The following MSRA variants were observed in gnomAD, a reference collection of about 807,000 sequenced individuals.
The protein encoded by MSRA is methionine sulfoxide reductase A.
A neutral mutation model predicts 31.3 loss-of-function variants in MSRA; 54 were observed. The ratio of observed to expected loss-of-function variants is 1.73; its 90% confidence interval spans 1.39 to 2.17. MSRA has a LOEUF of 2.17. Ranked by LOEUF, MSRA falls within the 30% of genes most tolerant of loss-of-function variation. MSRA has a pLI of 0.00. For synonymous variants in MSRA, 169 were observed against 116.5 expected, an observed-to-expected ratio of 1.45 and a Z score of -2.90; for missense variants, 507 against 300.9, an observed-to-expected ratio of 1.69 and a Z score of -5.07.
intron 5 of MSRA, among the ~76,000 whole-genome samples, chr8:10,422,183 G>T (rs1444933932): frequency 6.6e-6 from 1 of 152,276 alleles, no homozygotes; most frequent in Admixed American, 6.5e-5. Context: ...TTTCTGGAGG[G>T]GCTGAGGTAC....
At chr8:10,167,281 C>T (rs562293493) in intron 1 of MSRA, among the ~76,000 whole-genome samples, 13 of 152,122 alleles carry the variant, frequency 8.5e-5, no homozygotes, top group East Asian at 3.9e-4. Flanking sequence ...CAAAGGCAGC[C>T]GATACTGCTC....
chr8:10,374,864 G>T (rs1207421324), intron 5 of MSRA, among the ~76,000 whole-genome samples: 1 of 152,192 alleles, frequency 6.6e-6, no homozygotes, highest in Non-Finnish European at 1.5e-5. Flanking sequence ...GAATGGCTTG[G>T]TGCTGTCCTC....
At chr8:10,101,841 A>C (rs755240366) in intron 1 of MSRA, among the ~76,000 whole-genome samples, 2 of 152,208 alleles carry the variant, frequency 1.3e-5, no homozygotes, top group African/African-American at 4.8e-5. Flanking sequence ...TAATGGTGCT[A>C]TGAACATGAG....
chr8:10,296,405 T>C (rs1800545657), intron 3 of MSRA, among the ~76,000 whole-genome samples: 3 of 152,176 alleles, frequency 2.0e-5, no homozygotes, highest in Admixed American at 1.3e-4. Flanking sequence ...GCTTCCCAAA[T>C]ACTTTCCCAC....
intron 1 of MSRA, among the ~76,000 whole-genome samples, chr8:10,062,228 T>TGCA (rs758672466): frequency 4.9e-4 from 74 of 152,262 alleles, no homozygotes; most frequent in East Asian, 2.7e-3. Flanking sequence ...CTCCTTCCCA[T>TGCA]GCAGCAGCAG....
intron 3 of MSRA, among the ~76,000 whole-genome samples, chr8:10,278,839 C>G (rs1799464379): frequency 6.6e-6 from 1 of 152,216 alleles, no homozygotes. Flanking sequence ...GGCATCTCTA[C>G]ATTCCCGTCA....
At chr8:10,159,040 G>A (rs1010334016) in intron 1 of MSRA, among the ~76,000 whole-genome samples, 10 of 152,222 alleles carry the variant, frequency 6.6e-5, no homozygotes, top group African/African-American at 9.6e-5. Context: ...CACTGTCACC[G>A]TATCAAAGAG....
At chr8:10,077,368 C>A (rs1798042833) in intron 1 of MSRA, among the ~76,000 whole-genome samples, 1 of 151,050 alleles carries the variant, frequency 6.6e-6, no homozygotes, top group Non-Finnish European at 1.5e-5. Flanking sequence ...GGGAGAGACT[C>A]AAAAATGTGT....
chr8:10,149,415 C>T (rs567488387), intron 1 of MSRA, among the ~76,000 whole-genome samples: 23 of 152,314 alleles, frequency 1.5e-4, no homozygotes, highest in East Asian at 7.7e-4. Context: ...TGAGCCACCG[C>T]GCCCGGCTGA....
intron 5 of MSRA, among the ~76,000 whole-genome samples, chr8:10,329,507 A>G (rs191849748): frequency 6.2e-4 from 95 of 152,316 alleles, no homozygotes; most frequent in Non-Finnish European, 1.1e-3. Context: ...ATACTCCCGC[A>G]TCTCAACCCC....
At chr8:10,200,139 C>T (rs1290426271) in intron 1 of MSRA, among the ~76,000 whole-genome samples, 16 of 152,152 alleles carry the variant, frequency 1.1e-4, no homozygotes, top group Admixed American at 5.9e-4. Context: ...CATTACCAGC[C>T]GGGAGGTGTA....
intron 1 of MSRA, among the ~76,000 whole-genome samples, chr8:10,098,023 G>C (rs957099018): frequency 6.6e-6 from 1 of 151,908 alleles, no homozygotes; most frequent in African/African-American, 2.4e-5. Context: ...ACGTCTTTGT[G>C]CAAGCTTTTT....
intron 1 of MSRA, among the ~76,000 whole-genome samples, chr8:10,189,288 G>T (rs966526608): frequency 1.3e-5 from 2 of 152,034 alleles, no homozygotes; most frequent in African/African-American, 2.4e-5. Flanking sequence ...CAATCATGTT[G>T]TCTGCGTATA....
rs59393980 is a variant in MSRA, at chr8:10,219,806, C to CAAAAAAAAAAAA, written c.211+11916_211+11927dup. Among the ~76,000 whole-genome samples the CAAAAAAAAAAAA allele has an allele frequency of 1.3e-3, 73 of 57,108 alleles. 4 individuals are homozygous for CAAAAAAAAAAAA. Among genetic ancestry groups the CAAAAAAAAAAAA allele is most frequent in the African/African-American group, 2.4e-3 (27 of 11,070 alleles). 37.5% of individuals were successfully genotyped at this position (57,108 alleles called of 152,430 possible). On this transcript the variant is annotated intron_variant, in intron 2 of 5. Coordinates refer to ENST00000317173, the MANE Select transcript of MSRA (RefSeq NM_012331.5). ...GGACGACAGATCGAGACTCTGTCTCCAAAAAAAAAAAAAAAAAAAAAAGAT... is the reference window on the plus strand; with the variant it reads ...GGACGACAGATCGAGACTCTGTCTCCAAAAAAAAAAAAAAAAAAAAAAAAAAAAAAAAAAGAT...
chr8:10,419,835 C>T (rs1340875551), intron 5 of MSRA, among the ~76,000 whole-genome samples: 4 of 152,138 alleles, frequency 2.6e-5, no homozygotes, highest in Non-Finnish European at 5.9e-5. Flanking sequence ...ATAATGGCAT[C>T]ATGGCCACTG....
At position 10,395,354 on chromosome 8, in the gene MSRA, C is replaced by T. The variant is rs190991244; in HGVS notation, c.544-32794C>T. On this transcript the variant is annotated intron_variant, in intron 5 of 5. Coordinates refer to ENST00000317173, the MANE Select transcript of MSRA (RefSeq NM_012331.5). ...CCTAAATACGTATGAGTCTGTGAAC[C>T]GCCATGTTCACTAAGGGGATTATAG... is the stretch of plus-strand genomic sequence containing the variant. Among the ~76,000 whole-genome samples the T allele has an allele frequency of 1.8e-4, 27 of 152,214 alleles. 1 individual carries two copies. The East Asian group carries it at 4.4e-3, about 25-fold the overall frequency.
chr8:10,406,818 C>A (rs1006127569), intron 5 of MSRA, among the ~76,000 whole-genome samples: 1 of 152,174 alleles, frequency 6.6e-6, no homozygotes, highest in Non-Finnish European at 1.5e-5. Flanking sequence ...AAGATGAGGC[C>A]CATGCTAGGA....
chr8:10,217,056 C>T (rs768429102), intron 2 of MSRA, among the ~76,000 whole-genome samples: 2 of 152,216 alleles, frequency 1.3e-5, no homozygotes, highest in Non-Finnish European at 2.9e-5. Flanking sequence ...TGTATCCTTG[C>T]CAACCCTTGT....
intron 1 of MSRA, among the ~76,000 whole-genome samples, chr8:10,130,303 T>G (rs1039882826): frequency 6.6e-6 from 1 of 152,220 alleles, no homozygotes; most frequent in African/African-American, 2.4e-5. Flanking sequence ...ATAACAACTT[T>G]TCAGGGGAAG....
Sources: allele counts gnomAD v4.1 joint callset (sites outside exome capture counted in the v4.1 genomes callset), GRCh38; gene constraint gnomAD v4.1.1; transcripts MANE v1.5; gene names NCBI Gene and HGNC (gene_info 2026-07-23, HGNC 2026-07-21).